Variants in ZNF778 observed in about 807,000 individuals in gnomAD.
The protein encoded by ZNF778 is zinc finger protein 778.
A neutral mutation model predicts 23.9 loss-of-function variants in ZNF778; 37 were observed. The ratio of observed to expected loss-of-function variants is 1.54; its 90% CI spans 1.19 to 2.03. The LOEUF (loss-of-function observed/expected upper bound fraction) is 2.03, where lower values mean the gene tolerates loss of function less well. Ranked by LOEUF, ZNF778 falls within the 30% of genes most tolerant of loss-of-function variation. The probability of loss-of-function intolerance (pLI) is 0.00; values close to 1 mark genes in which losing one functional copy is unlikely to be tolerated. For missense variants in ZNF778, 1,297 were observed against 934.4 expected (o/e 1.39, Z -5.06); for synonymous variants, 483 against 343.9 (o/e 1.40, Z -4.48).
chr16:89,232,213 T>C lies in ZNF778; in HGVS notation c.*3651T>C. The C allele has an allele frequency of 5.7e-6, 1 of 174,730 alleles. No individual in the cohort carries two copies. The highest frequency in any genetic ancestry group is 1.3e-4 in the South Asian group (1 of 7,942). The allele number at this position is 174,730 out of a possible 1,614,324, so 10.8% of individuals were successfully genotyped here. A position where few individuals can be genotyped will look rare whatever the true frequency, so the allele number is the denominator to read the frequency against. On this transcript the variant is annotated 3_prime_UTR_variant, in exon 7 of 7. Transcript: ENST00000433976. ...AAGCCTGGATTGGTTTGTAGGGGAA[T>C]GCACTAGTTACTGGGAGCATGGTTG...
chr16:89,222,881 T>C (rs1489702432), intron 3 of ZNF778, among the ~76,000 whole-genome samples: 1 of 147,050 alleles, frequency 6.8e-6, no homozygotes, highest in East Asian at 2.0e-4. Context: ...AGAGGTGTCG[T>C]TGCGGCCGTG....
rs1486917672 is a variant in ZNF778, at chr16:89,234,125, G to A, written c.*5563G>A. 4.2e-6 allele frequency: 2 copies of A among 479,404 alleles called. No individual in the cohort carries two copies. Among genetic ancestry groups the A allele is most frequent in the Non-Finnish European group, 7.9e-6 (2 of 253,802 alleles). 29.7% of individuals were successfully genotyped at this position (479,404 alleles called of 1,614,324 possible). On this transcript the variant is annotated 3_prime_UTR_variant, in exon 7 of 7. Coordinates refer to ENST00000433976, the MANE Select transcript of ZNF778 (RefSeq NM_001201407.2). ...GCCGCCTTCTCTTGACACTGTGAGT[G>A]ATAAACTTTCCATGTCAGGAACCTG...
rs771278626 is a variant in ZNF778, at chr16:89,227,640, G to A, written c.1352G>A (p.Cys451Tyr). Residue 451 changes from cysteine to tyrosine, a missense_variant, in exon 7 of 7, where the codon TGT becomes TAT. Cys to Tyr is a radical substitution (Grantham distance 194). Transcript: ENST00000433976. Reference sequence around the variant, plus strand: ...CACACGGGCGAGAAGCCATACACGTGTAAGGACTGCGGGAAAGCCTTCTGT... The same window carrying A: ...CACACGGGCGAGAAGCCATACACGTATAAGGACTGCGGGAAAGCCTTCTGT... ...RTHTGEKPYT[C>Y]KDCGKAFCTS... The A allele has an allele frequency of 2.3e-5, 37 of 1,614,052 alleles. No homozygotes were observed. Among genetic ancestry groups the A allele is most frequent in the Non-Finnish European group, 3.1e-5 (37 of 1,180,008 alleles).
In ZNF778 at chr16:89,227,838, G is replaced by T. The variant is rs181081770; in HGVS notation, c.1550G>T (p.Arg517Leu). The stretch of plus-strand genomic sequence containing the variant: ...CAGTGTGGCAAAGCCTTCACAGGGC[G>T]CTCAGGCCTCACTAAACACATGCGG... ...CKQCGKAFTG[R>L]SGLTKHMRTH... The change falls in exon 7 of 7, where the codon CGC (arginine) becomes CTC (leucine). Residue 517 changes from arginine (R) to leucine (L), a missense_variant. Transcript: ENST00000433976. 5.0e-6 allele frequency: 8 copies of T among 1,613,806 alleles called. No individual in the cohort carries two copies. The highest frequency in any genetic ancestry group is 3.3e-5 in the Admixed American group (2 of 59,976).
intron 2 of ZNF778, among the ~76,000 whole-genome samples, chr16:89,221,584 TGTG>T (rs1205384253): frequency 5.1e-3 from 10 of 1,974 alleles, no homozygotes; most frequent in Admixed American, 0.045. Flanking sequence ...ACTGTATGGC[TGTG>T]TGTGTGTGTG....
At position 89,229,227 on chromosome 16, in the gene ZNF778, A is replaced by G; in HGVS notation, c.*665A>G. On this transcript the variant is annotated 3_prime_UTR_variant, in exon 7 of 7. Transcript: ENST00000433976. ...TGAGCAGTGTAGGCTCTGGTTGGTTAGTCTTGAGGATCCAGATGTGATTCT... is the reference window on the plus strand; with the variant it reads ...TGAGCAGTGTAGGCTCTGGTTGGTTGGTCTTGAGGATCCAGATGTGATTCT... 2.0e-6 allele frequency: 2 copies of G among 985,598 alleles called. No homozygotes were observed. The highest frequency in any genetic ancestry group is 2.4e-6 in the Non-Finnish European group (2 of 830,072). The allele number at this position is 985,598 out of a possible 1,614,324, so 61.1% of individuals were successfully genotyped here.
At position 89,225,650 on chromosome 16, in the gene ZNF778, AT is replaced by A; in HGVS notation, c.405+26del. The A allele has an allele frequency of 2.5e-6, 4 of 1,597,516 alleles. No individual in the cohort carries two copies. The highest frequency in any genetic ancestry group is 1.7e-5 in the Admixed American group (1 of 58,590). ...ACAGACGGTAAGATTAACAAGAGAG[AT>A]TTTTTTATTTATCACACTCATAAAA... On this transcript the variant is annotated intron_variant, in intron 6 of 6. Transcript: ENST00000433976.
intron 1 of ZNF778, among the ~76,000 whole-genome samples, chr16:89,218,745 G>C (rs945016281): frequency 6.6e-6 from 1 of 151,568 alleles, no homozygotes; most frequent in East Asian, 1.9e-4. Flanking sequence ...GAGCCGAGAT[G>C]GCGCCACTGC....
Position 89,230,141 on chromosome 16 carries a change from C to G in ZNF778, c.*1579C>G. The G allele has an allele frequency of 3.0e-6, 2 of 665,226 alleles. No homozygotes were observed. The highest frequency in any genetic ancestry group is 1.4e-4 in the South Asian group (2 of 14,514). 41.2% of individuals were successfully genotyped at this position (665,226 alleles called of 1,614,324 possible). On this transcript the variant is annotated 3_prime_UTR_variant, in exon 7 of 7. Coordinates refer to ENST00000433976, the MANE Select transcript of ZNF778 (RefSeq NM_001201407.2). Reference sequence around the variant, plus strand: ...TGGCCAATGTTGGGGCATAACACAGCTCTACATTTTATGAAAATGCCCTTG... The same window carrying G: ...TGGCCAATGTTGGGGCATAACACAGGTCTACATTTTATGAAAATGCCCTTG...
rs1396697902 is a variant in ZNF778, at chr16:89,236,766, A to G, written c.*8204A>G. On this transcript the variant is annotated 3_prime_UTR_variant, in exon 7 of 7. Coordinates refer to ENST00000433976, the MANE Select transcript of ZNF778 (RefSeq NM_001201407.2). ...AGGACTGGAAAAGCTAAGTCTGTAT[A>G]TTTTAATTACTAAAGAAGTGTACAG... 2.0e-5 allele frequency: 3 copies of G among 152,224 alleles called. No homozygotes were observed. Among genetic ancestry groups the G allele is most frequent in the South Asian group, 4.1e-4 (2 of 4,832 alleles). The allele number at this position is 152,224 out of a possible 1,614,324, so 9.4% of individuals were successfully genotyped here. A position where few individuals can be genotyped will look rare whatever the true frequency, so the allele number is the denominator to read the frequency against.
At chr16:89,225,740 C>A in intron 6 of ZNF778, 109 bp downstream of exon 6, 1 of 1,010,224 alleles carries the variant, frequency 9.9e-7, no homozygotes, top group Non-Finnish European at 1.5e-6. Context: ...AGGATTCACT[C>A]AGGCAGGGGT....
chr16:89,232,465 T>C lies in ZNF778; in HGVS notation c.*3903T>C, dbSNP rs541784283. On this transcript the variant is annotated 3_prime_UTR_variant, in exon 7 of 7. Coordinates refer to ENST00000433976, the MANE Select transcript of ZNF778 (RefSeq NM_001201407.2). ...CCAAGCATGATGGAAAACTGGGTTA[T>C]GGGCAGGACTGCAAGTACTGGTTAG... The C allele has an allele frequency of 1.1e-4, 41 of 387,900 alleles. 1 individual carries two copies. Among genetic ancestry groups the C allele is most frequent in the South Asian group, 9.0e-4 (38 of 42,310 alleles). The allele number at this position is 387,900 out of a possible 1,614,324, so 24.0% of individuals were successfully genotyped here.
At position 89,232,629 on chromosome 16, in the gene ZNF778, T is replaced by A; in HGVS notation, c.*4067T>A. 8.5e-7 allele frequency: 1 copy of A among 1,173,066 alleles called. No individual in the cohort carries two copies. The highest frequency in any genetic ancestry group is 1.1e-6 in the Non-Finnish European group (1 of 939,522). The allele number at this position is 1,173,066 out of a possible 1,614,324, so 72.7% of individuals were successfully genotyped here. Reference sequence around the variant, plus strand: ...GTAAGATAAAATATTAAAGGACCAATTGTATTAATTATGTTTTTTTTTTTT... The same window carrying A: ...GTAAGATAAAATATTAAAGGACCAAATGTATTAATTATGTTTTTTTTTTTT... On this transcript the variant is annotated 3_prime_UTR_variant, in exon 7 of 7. Transcript: ENST00000433976.
rs772014093 is a variant in ZNF778, at chr16:89,227,506, A to C, written c.1218A>C (p.Ser406=). The C allele has an allele frequency of 1.9e-6, 3 of 1,613,836 alleles. No homozygotes were observed. The highest frequency in any genetic ancestry group is 4.5e-5 in the East Asian group (2 of 44,840). ...GCGGAAAATATTTTAGAAATTCCTC[A>C]TGCCTTAATAATCATGTTCGAATTC... ...VVCGKYFRNS[S]CLNNHVRIHT... is the part of the protein sequence containing the mutation. Residue 406 remains serine (S), a synonymous_variant, in exon 7 of 7, where the codon TCA becomes TCC. Coordinates refer to ENST00000433976, the MANE Select transcript of ZNF778 (RefSeq NM_001201407.2).
In ZNF778 at chr16:89,228,169, C is replaced by A. The variant is rs150031652; in HGVS notation, c.1881C>A (p.Thr627=). ...YECKVCGKAF[T]TSSHLIVHIR... ...GTAAAGTATGCGGAAAGGCCTTCACCACATCCTCACACCTTATCGTGCACA... is the reference window on the plus strand; with the variant it reads ...GTAAAGTATGCGGAAAGGCCTTCACAACATCCTCACACCTTATCGTGCACA... The change falls in exon 7 of 7, where the codon ACC becomes ACA. Residue 627 remains threonine, a synonymous_variant. Coordinates refer to ENST00000433976, the MANE Select transcript of ZNF778 (RefSeq NM_001201407.2). 5.0e-6 allele frequency: 8 copies of A among 1,613,400 alleles called. No individual in the cohort carries two copies. The Admixed American group carries it at 1.3e-4, about 27-fold the overall frequency.
Position 89,223,077 on chromosome 16 carries a change from G to A in ZNF778, c.118-80G>A, listed in dbSNP as rs1024602440. On this transcript the variant is annotated intron_variant, in intron 3 of 6. Transcript: ENST00000433976. ...TAGGAGGCCTCACAGTCCCATAGGC[G>A]TAGGGCCCCGCCTCCTCATTCTTCA... 83 of 1,531,574 alleles carry A rather than the reference G, an allele frequency of 5.4e-5. No homozygotes were observed. In the African/African-American group the frequency reaches 7.2e-4, roughly 13 times the overall value. The allele number at this position is 1,531,574 out of a possible 1,614,324, so 94.9% of individuals were successfully genotyped here. A position where few individuals can be genotyped will look rare whatever the true frequency, so the allele number is the denominator to read the frequency against.
At chr16:89,221,182 C>T in intron 2 of ZNF778, 30 bp downstream of exon 2, 1 of 1,529,896 alleles carries the variant, frequency 6.5e-7, no homozygotes, top group Non-Finnish European at 8.8e-7. Context: ...CTTCTCAGAG[C>T]CTCTGCTCTA....
At position 89,217,813 on chromosome 16, in the gene ZNF778, C is replaced by CGCCT. The variant is rs983332436; in HGVS notation, c.-224_-221dup. 9 of 152,374 alleles carry CGCCT rather than the reference C, an allele frequency of 5.9e-5. No homozygotes were observed. The highest frequency in any genetic ancestry group is 1.9e-4 in the East Asian group (1 of 5,180). The allele number at this position is 152,374 out of a possible 1,614,324, so 9.4% of individuals were successfully genotyped here. ...GCTGGTCCGGGAGTGGGCGCCCGCC[C>CGCCT]GCCTGCCTCGCGCCTTGCGCCCCCG... On this transcript the variant is annotated 5_prime_UTR_variant, in exon 1 of 7. Coordinates refer to ENST00000433976, the MANE Select transcript of ZNF778 (RefSeq NM_001201407.2).
Position 89,233,760 on chromosome 16 carries a change from G to T in ZNF778, c.*5198G>T. Reference sequence around the variant, plus strand: ...CTGCATATGCAACTCAACTCGCACTGCGTATGCAACTCAACTCGCACTGCG... The same window carrying T: ...CTGCATATGCAACTCAACTCGCACTTCGTATGCAACTCAACTCGCACTGCG... On this transcript the variant is annotated 3_prime_UTR_variant, in exon 7 of 7. Coordinates refer to ENST00000433976, the MANE Select transcript of ZNF778 (RefSeq NM_001201407.2). 8.1e-7 allele frequency: 1 copy of T among 1,237,880 alleles called. No homozygotes were observed. Among genetic ancestry groups the T allele is most frequent in the Admixed American group, 2.4e-5 (1 of 41,906 alleles). 76.7% of individuals were successfully genotyped at this position (1,237,880 alleles called of 1,614,324 possible). A position where few individuals can be genotyped will look rare whatever the true frequency, so the allele number is the denominator to read the frequency against.
Sources: allele counts gnomAD v4.1 joint callset (sites outside exome capture counted in the v4.1 genomes callset), GRCh38; gene constraint gnomAD v4.1.1; transcripts MANE v1.5; gene names NCBI Gene and HGNC (gene_info 2026-07-23, HGNC 2026-07-21).